MINDY4B: variants seen among roughly 807,000 people sequenced by gnomAD.
The protein encoded by MINDY4B is inactive ubiquitin carboxyl-terminal hydrolase MINDY-4B.
A neutral mutation model predicts 16.7 loss-of-function variants in MINDY4B; 25 were observed. That is an observed-to-expected ratio of 1.49 (90% CI 1.09 to 2.09). MINDY4B has a LOEUF of 2.09. Ranked by LOEUF, MINDY4B falls within the 30% of genes most tolerant of loss-of-function variation. The pLI, the probability that MINDY4B is intolerant of heterozygous loss-of-function variation, is 0.00. For missense variants in MINDY4B, 327 were observed against 168.4 expected (o/e 1.94, Z -5.21); for synonymous variants, 132 against 61.9 (o/e 2.13, Z -5.32).
intron 3 of MINDY4B, among the ~76,000 whole-genome samples, chr3:150,897,524 C>T (rs530575090): frequency 6.6e-6 from 1 of 152,216 alleles, no homozygotes; most frequent in African/African-American, 2.4e-5. Context: ...GCTGAGGTGC[C>T]TCTTCCCAGC....
chr3:150,888,458 AG>A (rs1248195078), intron 7 of MINDY4B, among the ~76,000 whole-genome samples: 13 of 152,280 alleles, frequency 8.5e-5, no homozygotes. Context: ...CCATAACAAA[AG>A]ATCTGCTGCT....
chr3:150,879,683 T>C (rs955485677), intron 10 of MINDY4B, among the ~76,000 whole-genome samples: 7 of 152,176 alleles, frequency 4.6e-5, no homozygotes, highest in Non-Finnish European at 1.0e-4. Context: ...CACTAGAGCA[T>C]TAAACAAAGT....
chr3:150,871,533 G>T (rs984535917), intron 11 of MINDY4B, among the ~76,000 whole-genome samples: 5 of 151,298 alleles, frequency 3.3e-5, no homozygotes, highest in African/African-American at 1.2e-4. Flanking sequence ...CCAGGTATAG[G>T]TTACTAAATA....
At chr3:150,893,084 A>G (rs937596035) in intron 5 of MINDY4B, among the ~76,000 whole-genome samples, 3 of 152,118 alleles carry the variant, frequency 2.0e-5, no homozygotes, top group Non-Finnish European at 4.4e-5. Context: ...TACCTGACAG[A>G]GTGGTCTGCA....
intron 8 of MINDY4B, 44 bp downstream of exon 8, chr3:150,885,324 C>A: frequency 1.4e-6 from 1 of 699,726 alleles, no homozygotes; most frequent in South Asian, 1.5e-5. Context: ...TTATGTGATC[C>A]CAATCCTATA....
In MINDY4B at chr3:150,873,335, A is replaced by G. The variant is rs1334779120; in HGVS notation, c.1092T>C (p.Pro364=). 2.8e-6 allele frequency: 2 copies of G among 702,676 alleles called. No homozygotes were observed. Among genetic ancestry groups the G allele is most frequent in the African/African-American group, 1.7e-5 (1 of 57,250 alleles). The allele number at this position is 702,676 out of a possible 1,614,324, so 43.5% of individuals were successfully genotyped here. Residue 364 remains proline (P), a synonymous_variant, in exon 11 of 12, where the codon CCT becomes CCC. Transcript: ENST00000465419. ...TTCCATTGATGTTGCACAGCCAAAT[A>G]GGTAATTTGGGAGTCTTCAGCATGC... ...VGSMLKTPKL[P]IWLCNINGNY... is the part of the protein sequence containing the mutation.
At chr3:150,886,216 T>C (rs1559966217) in intron 7 of MINDY4B, among the ~76,000 whole-genome samples, 1 of 152,254 alleles carries the variant, frequency 6.6e-6, no homozygotes, top group Non-Finnish European at 1.5e-5. Context: ...GACAACACTC[T>C]ACTTGCTGAC....
intron 3 of MINDY4B, among the ~76,000 whole-genome samples, chr3:150,896,367 T>G (rs1711967666): frequency 6.6e-6 from 1 of 152,182 alleles, no homozygotes; most frequent in African/African-American, 2.4e-5. Flanking sequence ...GAATCCTTTT[T>G]CAGGTAAATC....
chr3:150,872,644 C>T (rs1227235339), intron 11 of MINDY4B, among the ~76,000 whole-genome samples: 1 of 152,214 alleles, frequency 6.6e-6, no homozygotes, highest in Non-Finnish European at 1.5e-5. Context: ...AGAGGAGCCA[C>T]CAGGCAGACC....
Position 150,870,970 on chromosome 3 carries a change from G to T in MINDY4B, c.*75C>A, listed in dbSNP as rs572529258. ...GTGAATGAGAAATATGGAAACGATTGGTCTCCCCCACATTAGGCTTTTGCA... is the reference window on the plus strand; with the variant it reads ...GTGAATGAGAAATATGGAAACGATTTGTCTCCCCCACATTAGGCTTTTGCA... On this transcript the variant is annotated 3_prime_UTR_variant, in exon 12 of 12. Coordinates refer to ENST00000465419, the MANE Select transcript of MINDY4B (RefSeq NM_001351281.2). The T allele has an allele frequency of 1.6e-6, 1 of 632,782 alleles. No homozygotes were observed. The highest frequency in any genetic ancestry group is 1.8e-5 in the African/African-American group (1 of 54,570). The allele number at this position is 632,782 out of a possible 1,614,324, so 39.2% of individuals were successfully genotyped here.
chr3:150,898,562 C>T (rs1426974965), intron 3 of MINDY4B, among the ~76,000 whole-genome samples: 3 of 152,208 alleles, frequency 2.0e-5, no homozygotes, highest in Non-Finnish European at 4.4e-5. Flanking sequence ...TGAGATTAAC[C>T]TGACACATAA....
At chr3:150,895,036 TTGAA>T (rs1429241319) in intron 3 of MINDY4B, among the ~76,000 whole-genome samples, 6 of 152,200 alleles carry the variant, frequency 3.9e-5, no homozygotes, top group African/African-American at 1.4e-4. Flanking sequence ...GAACTGGCAT[TTGAA>T]TGAGGCTGGT....
chr3:150,890,503 C>A, intron 6 of MINDY4B, 118 bp from the exon 7 acceptor site: 1 of 487,624 alleles, frequency 2.1e-6, no homozygotes, highest in Non-Finnish European at 3.6e-6. Flanking sequence ...AATCACATTA[C>A]TAAAAACTGA....
At chr3:150,901,559 T>C (rs1443327091) in intron 3 of MINDY4B, 6 of 150,746 alleles carry the variant, frequency 4.0e-5, no homozygotes, top group African/African-American at 1.5e-4. Context: ...TCTCACTCTG[T>C]TGCCCAGGCT....
chr3:150,896,136 C>T (rs1711954040), intron 3 of MINDY4B, among the ~76,000 whole-genome samples: 1 of 152,042 alleles, frequency 6.6e-6, no homozygotes, highest in African/African-American at 2.4e-5. Flanking sequence ...CTCCAAATTT[C>T]CTTCTTCTAC....
chr3:150,884,586 T>C (rs16862966), intron 8 of MINDY4B, among the ~76,000 whole-genome samples: 8,757 of 152,266 alleles, frequency 0.058, 306 homozygotes, highest in African/African-American at 0.093. Context: ...GAGCTTGATA[T>C]TTAAATGTGT....
chr3:150,883,486 T>C (rs756966480), intron 9 of MINDY4B, among the ~76,000 whole-genome samples: 1 of 152,206 alleles, frequency 6.6e-6, no homozygotes. Flanking sequence ...AGGACTGTTA[T>C]GAAAATTAGA....
In MINDY4B at chr3:150,893,408, G is replaced by T. The variant is rs908738248; in HGVS notation, c.437C>A (p.Ala146Asp). The T allele has an allele frequency of 4.3e-6, 3 of 702,636 alleles. No individual in the cohort carries two copies. The highest frequency in any genetic ancestry group is 3.5e-5 in the African/African-American group (2 of 57,226). 43.5% of individuals were successfully genotyped at this position (702,636 alleles called of 1,614,324 possible). The change falls in exon 5 of 12, where the codon GCC (alanine) becomes GAC (aspartate). Residue 146 changes from alanine (A) to aspartate (D), a missense_variant. By Grantham distance (126) the Ala-to-Asp change is moderately radical. Transcript: ENST00000465419. ...AFTLEVGKGG[A>D]RSIQMAVQGS... ...TTGCACAGCCATCTGAATGCTTCGG[G>T]CCCCTCCCTGAAATGAGGAGAATGA...
At chr3:150,887,626 A>G (rs1427777280) in intron 7 of MINDY4B, among the ~76,000 whole-genome samples, 1 of 152,226 alleles carries the variant, frequency 6.6e-6, no homozygotes, top group Non-Finnish European at 1.5e-5. Flanking sequence ...AATTTCCTGA[A>G]TACTTCTGAC....
Sources: allele counts gnomAD v4.1 joint callset (sites outside exome capture counted in the v4.1 genomes callset), GRCh38; gene constraint gnomAD v4.1.1; transcripts MANE v1.5; gene names NCBI Gene and HGNC (gene_info 2026-07-23, HGNC 2026-07-21).